CMC2: variants seen among roughly 807,000 people sequenced by gnomAD.
CMC2 encodes COX assembly mitochondrial protein 2 homolog.
CMC2 carries 5 observed loss-of-function variants against 7.5 expected under a neutral mutation model. That is an observed-to-expected ratio of 0.66 (90% CI 0.35 to 1.40). The LOEUF is 1.40. Ranked by LOEUF, CMC2 falls within the 40% of genes most tolerant of loss-of-function variation. The pLI, the probability that CMC2 is intolerant of heterozygous loss-of-function variation, is 0.04. For synonymous variants in CMC2, 37 were observed against 31.4 expected (o/e 1.18, Z -0.60); for missense variants, 115 against 92.3 (o/e 1.25, Z -1.01).
chr16:80,997,610 T>C (rs1036338959), intron 1 of CMC2, 181 bp from the exon 2 acceptor site: 2 of 443,852 alleles, frequency 4.5e-6, no homozygotes, highest in Non-Finnish European at 8.1e-6. Flanking sequence ...ATTTAAGATA[T>C]TCAGCAAGTT....
intron 3 of CMC2, chr16:80,980,720 ATC>A (rs1967045350): frequency 1.6e-6 from 1 of 639,698 alleles, no homozygotes; most frequent in Non-Finnish European, 2.8e-6. Flanking sequence ...TGAGACTCTC[ATC>A]TCTACAAAAA....
intron 1 of CMC2, among the ~76,000 whole-genome samples, chr16:81,003,814 G>C (rs143107439): frequency 1.3e-5 from 2 of 152,316 alleles, no homozygotes; most frequent in Non-Finnish European, 2.9e-5. Flanking sequence ...TTTGTCACTA[G>C]TCAGCTACTC....
In CMC2 at chr16:80,981,075, G is replaced by A. The variant is rs559799127; in HGVS notation, c.153+731C>T. Among the ~76,000 whole-genome samples, 7 of 134,438 alleles carry A rather than the reference G, an allele frequency of 5.2e-5. No individual in the cohort carries two copies. In the South Asian group the frequency reaches 1.6e-3, roughly 30 times the overall value. The allele number at this position is 134,438 out of a possible 152,430, so 88.2% of individuals were successfully genotyped here. ...ATATTATATTTAAATCTTTCAATATGAGGCAAAAAAAAAAAAAAGTTCAAA... is the reference window on the plus strand; with the variant it reads ...ATATTATATTTAAATCTTTCAATATAAGGCAAAAAAAAAAAAAAGTTCAAA... On this transcript the variant is annotated intron_variant, in intron 3 of 3. Transcript: ENST00000219400.
At chr16:81,006,128 C>T (rs1012419087) in intron 1 of CMC2, among the ~76,000 whole-genome samples, 4 of 152,080 alleles carry the variant, frequency 2.6e-5, no homozygotes, top group Admixed American at 2.6e-4. Flanking sequence ...TTACTTAAGA[C>T]TCTACGTAAA....
chr16:81,003,018 G>A lies in CMC2; in HGVS notation c.-36+3716C>T, dbSNP rs532071163. 2.2e-4 allele frequency among the ~76,000 whole-genome samples: 33 copies of A among 152,258 alleles called. No homozygotes were observed. The South Asian group carries it at 6.2e-3, about 29-fold the overall frequency. ...TTCTTCTACCACATATTTTTAGCTA[G>A]ATATGTTCTTCCTCCCCTTGCCCTC... On this transcript the variant is annotated intron_variant, in intron 1 of 3. Transcript: ENST00000219400.
chr16:81,003,307 T>C (rs1291170703), intron 1 of CMC2, among the ~76,000 whole-genome samples: 1 of 152,250 alleles, frequency 6.6e-6, no homozygotes, highest in Admixed American at 6.5e-5. Context: ...TATTCCATAT[T>C]CTTATTCTTA....
At chr16:80,990,654 GT>G (rs1353285380) in intron 2 of CMC2, among the ~76,000 whole-genome samples, 6 of 152,076 alleles carry the variant, frequency 3.9e-5, no homozygotes, top group Non-Finnish European at 1.5e-5. Context: ...TATAAATACT[GT>G]TTTGTCCTTT....
In CMC2 at chr16:80,997,580, C is replaced by A. The variant is rs1968528128; in HGVS notation, c.-35-151G>T. 6.1e-6 allele frequency: 3 copies of A among 492,826 alleles called. No individual in the cohort carries two copies. The South Asian group carries it at 9.4e-5, about 15-fold the overall frequency. The allele number at this position is 492,826 out of a possible 1,614,324, so 30.5% of individuals were successfully genotyped here. On this transcript the variant is annotated intron_variant, in intron 1 of 3. Coordinates refer to ENST00000219400, the MANE Select transcript of CMC2 (RefSeq NM_020188.5). ...CTCAGGCAAATTATTAAACTTGAGA[C>A]AAAGCTTTCTAATTCAATGATTTAA...
chr16:80,998,389 A>G (rs1456670374), intron 1 of CMC2: 1 of 152,118 alleles, frequency 6.6e-6, no homozygotes, highest in East Asian at 1.9e-4. Context: ...AACGCTAAAG[A>G]GGATGTGGAG....
intron 1 of CMC2, among the ~76,000 whole-genome samples, chr16:80,999,402 A>C (rs1277062203): frequency 1.3e-5 from 2 of 152,250 alleles, no homozygotes; most frequent in Non-Finnish European, 2.9e-5. Flanking sequence ...ACACTGCTGA[A>C]AGAAATCACA....
At chr16:81,000,305 G>C (rs35117857) in intron 1 of CMC2, among the ~76,000 whole-genome samples, 2,690 of 152,220 alleles carry the variant, frequency 0.018, 51 homozygotes, top group East Asian at 0.054. Flanking sequence ...AGACCAGCCT[G>C]GCCAATATGG....
chr16:80,992,452 T>A (rs1968076634), intron 2 of CMC2, among the ~76,000 whole-genome samples: 1 of 152,200 alleles, frequency 6.6e-6, no homozygotes, highest in African/African-American at 2.4e-5. Flanking sequence ...CTATAAAGAT[T>A]ATAACAATTT....
chr16:80,978,210 T>TAC, intron 3 of CMC2: 2 of 971,088 alleles, frequency 2.1e-6, no homozygotes, highest in Non-Finnish European at 2.5e-6. Context: ...CAAGGAAGGA[T>TAC]ACCTGCTCTG....
chr16:81,000,225 C>T (rs1395979555), intron 1 of CMC2, among the ~76,000 whole-genome samples: 2 of 151,710 alleles, frequency 1.3e-5, no homozygotes, highest in African/African-American at 2.4e-5. Context: ...AGGCTGGGCA[C>T]GGTAGCTCAC....
chr16:80,978,246 A>T lies in CMC2; in HGVS notation c.154-2067T>A, dbSNP rs1327465384. ...AGAAAAAGCTTTCATATCTACCTTT[A>T]ATCACGTCTACTGGATTGCCCCCAG... On this transcript the variant is annotated intron_variant, in intron 3 of 3. Transcript: ENST00000219400. 7.5e-6 allele frequency: 8 copies of T among 1,059,932 alleles called. No homozygotes were observed. In the African/African-American group the frequency reaches 1.4e-4, roughly 18 times the overall value. 65.7% of individuals were successfully genotyped at this position (1,059,932 alleles called of 1,614,324 possible).
chr16:81,006,232 G>C (rs1176534168), intron 1 of CMC2, among the ~76,000 whole-genome samples: 1 of 87,742 alleles, frequency 1.1e-5, no homozygotes, highest in African/African-American at 2.9e-5. Flanking sequence ...AAAGTGTACT[G>C]ATGGGGCTCT....
At position 80,967,889 on chromosome 16, in the gene CMC2, GACAACATA is replaced by G. The variant is rs1911664340; in HGVS notation, c.*8196_*8203del. The G allele has an allele frequency of 1.3e-5, 2 of 152,076 alleles. No homozygotes were observed. The highest frequency in any genetic ancestry group is 2.9e-5 in the Non-Finnish European group (2 of 68,024). The allele number at this position is 152,076 out of a possible 1,614,324, so 9.4% of individuals were successfully genotyped here. A position where few individuals can be genotyped will look rare whatever the true frequency, so the allele number is the denominator to read the frequency against. ...TTAAGATTTTGCTGTCATATTCAAT[GACAACATA>G]CCATATTAACGCTTCCTATTTTTTT... On this transcript the variant is annotated 3_prime_UTR_variant, in exon 4 of 4. Transcript: ENST00000219400.
rs1334665332 is a variant in CMC2 at position 80,967,385 on chromosome 16, GC to G, written c.*8707del. On this transcript the variant is annotated 3_prime_UTR_variant, in exon 4 of 4. Coordinates refer to ENST00000219400, the MANE Select transcript of CMC2 (RefSeq NM_020188.5). ...AGACGGAGCTCGCCGTGTCGCCCAG[GC>G]TGGAGTGCAGTGGCACGATCTCGGC... is the stretch of plus-strand genomic sequence containing the variant. 1 of 153,320 alleles carries G rather than the reference GC, an allele frequency of 6.5e-6. No homozygotes were observed. Among genetic ancestry groups the G allele is most frequent in the Non-Finnish European group, 1.4e-5 (1 of 69,028 alleles). The allele number at this position is 153,320 out of a possible 1,614,324, so 9.5% of individuals were successfully genotyped here. A position where few individuals can be genotyped will look rare whatever the true frequency, so the allele number is the denominator to read the frequency against.
rs1911583264 is a variant in CMC2 at position 80,966,787 on chromosome 16, TTTC to T, written c.*9303_*9305del. 2.0e-5 allele frequency: 3 copies of T among 152,192 alleles called. No homozygotes were observed. Among genetic ancestry groups the T allele is most frequent in the Non-Finnish European group, 2.9e-5 (2 of 68,034 alleles). The allele number at this position is 152,192 out of a possible 1,614,324, so 9.4% of individuals were successfully genotyped here. ...TCAGCTTGTTTTCAAGTTTTAGGAA[TTTC>T]TTCTTTTCTTTATATAATCACCATA... is the stretch of plus-strand genomic sequence containing the variant. On this transcript the variant is annotated 3_prime_UTR_variant, in exon 4 of 4. Transcript: ENST00000219400.
Sources: allele counts gnomAD v4.1 joint callset (sites outside exome capture counted in the v4.1 genomes callset), GRCh38; gene constraint gnomAD v4.1.1; transcripts MANE v1.5; gene names NCBI Gene and HGNC (gene_info 2026-07-23, HGNC 2026-07-21).